Variants in PLXDC2 observed in about 807,000 individuals in gnomAD.
The protein encoded by PLXDC2 is plexin domain containing 2.
A neutral mutation model predicts 68.9 loss-of-function variants in PLXDC2; 40 were observed. The observed-to-expected ratio is 0.58, with a 90% CI of 0.45 to 0.76. PLXDC2 has a LOEUF of 0.76. PLXDC2 is among the 30% of genes least tolerant of loss of function. The probability of loss-of-function intolerance (pLI) is 0.00; values close to 1 mark genes in which losing one functional copy is unlikely to be tolerated. For synonymous variants in PLXDC2, 243 were observed against 234.2 expected (o/e 1.04, Z -0.34); for missense variants, 644 against 661.9 (o/e 0.97, Z 0.30).
chr10:20,015,688 T>TA (rs1434770195), intron 2 of PLXDC2, among the ~76,000 whole-genome samples: 11 of 151,552 alleles, frequency 7.3e-5, no homozygotes, highest in Non-Finnish European at 1.2e-4. Context: ...TATAATCGAT[T>TA]AAAAAAACAC....
chr10:20,215,981 G>C (rs569859565), intron 10 of PLXDC2, among the ~76,000 whole-genome samples: 1 of 152,074 alleles, frequency 6.6e-6, no homozygotes, highest in African/African-American at 2.4e-5. Flanking sequence ...GCCCTGCTAA[G>C]GATGCAGGAG....
chr10:20,165,671 G>C (rs1834365414), intron 7 of PLXDC2, among the ~76,000 whole-genome samples: 1 of 152,076 alleles, frequency 6.6e-6, no homozygotes, highest in African/African-American at 2.4e-5. Flanking sequence ...TACAAATTTA[G>C]GTAAATAAAA....
At chr10:20,130,491 T>A (rs1833852743) in intron 4 of PLXDC2, among the ~76,000 whole-genome samples, 1 of 152,118 alleles carries the variant, frequency 6.6e-6, no homozygotes, top group South Asian at 2.1e-4. Flanking sequence ...TTTATTTCTT[T>A]TTTCTTGATT....
At chr10:19,998,670 A>G (rs1017276693) in intron 1 of PLXDC2, among the ~76,000 whole-genome samples, 6 of 152,200 alleles carry the variant, frequency 3.9e-5, no homozygotes, top group African/African-American at 1.4e-4. Context: ...TAGAGCAAGC[A>G]AGAGATCTGT....
intron 4 of PLXDC2, among the ~76,000 whole-genome samples, chr10:20,120,568 G>A (rs2460572): frequency 0.91 from 134,371 of 147,180 alleles, 61,270 homozygotes; most frequent in Middle Eastern, 0.94. Flanking sequence ...AAATGACTGC[G>A]GTGGCCTTCT....
chr10:20,247,383 G>T (rs910881360), intron 13 of PLXDC2, among the ~76,000 whole-genome samples: 1 of 151,770 alleles, frequency 6.6e-6, no homozygotes, highest in African/African-American at 2.4e-5. Context: ...AGGCTGAAAT[G>T]GTAGGATTGC....
chr10:20,112,354 G>A (rs955604451), intron 4 of PLXDC2, among the ~76,000 whole-genome samples: 1 of 149,594 alleles, frequency 6.7e-6, no homozygotes, highest in African/African-American at 2.4e-5. Context: ...AAAAAAAAAG[G>A]TTCTACTTTC....
At chr10:19,889,165 G>A (rs1837902649) in intron 1 of PLXDC2, among the ~76,000 whole-genome samples, 1 of 151,784 alleles carries the variant, frequency 6.6e-6, no homozygotes, top group Admixed American at 6.6e-5. Flanking sequence ...GACTTAAAGT[G>A]CTTGATCATT....
intron 1 of PLXDC2, among the ~76,000 whole-genome samples, chr10:19,963,231 A>G (rs535200601): frequency 9.5e-4 from 144 of 152,266 alleles, no homozygotes; most frequent in African/African-American, 3.3e-3. Flanking sequence ...AATTCCTACT[A>G]GAGTATGAAC....
rs368978962 is a variant in PLXDC2, at chr10:20,156,070, AG to A, written c.783+8171del. ...AATTTTTTGTGTCTCCCCCAAACCC[AG>A]GGTGTAGACTTTCCTTAATCTCCTT... On this transcript the variant is annotated intron_variant, in intron 6 of 13. Coordinates refer to ENST00000377252, the MANE Select transcript of PLXDC2 (RefSeq NM_032812.9). Among the ~76,000 whole-genome samples, 173 of 152,064 alleles carry A rather than the reference AG, an allele frequency of 1.1e-3. 2 individuals carry two copies. Among genetic ancestry groups the A allele is most frequent in the African/African-American group, 4.0e-3 (166 of 41,468 alleles).
chr10:19,983,733 C>T (rs7070003), intron 1 of PLXDC2, among the ~76,000 whole-genome samples: 112,012 of 152,026 alleles, frequency 0.74, 41,557 homozygotes, highest in African/African-American at 0.81. Flanking sequence ...GCTCAAAGTA[C>T]GGTCCATGGA....
chr10:20,194,684 G>A (rs1162320099), intron 9 of PLXDC2, among the ~76,000 whole-genome samples: 6 of 151,484 alleles, frequency 4.0e-5, no homozygotes, highest in Non-Finnish European at 7.4e-5. Context: ...TGTGCACAAC[G>A]TGCAGGTTTG....
intron 1 of PLXDC2, among the ~76,000 whole-genome samples, chr10:19,903,522 A>G (rs1838192717): frequency 6.6e-6 from 1 of 151,864 alleles, no homozygotes; most frequent in African/African-American, 2.4e-5. Context: ...CAGTTGTAAT[A>G]TCCCCCATTT....
intron 2 of PLXDC2, among the ~76,000 whole-genome samples, chr10:20,022,848 G>C (rs759225682): frequency 1.1e-4 from 17 of 151,964 alleles, no homozygotes; most frequent in Non-Finnish European, 2.1e-4. Flanking sequence ...AACTTTCCTA[G>C]AGTTTTTGCG....
chr10:20,275,215 C>T (rs1393212848), intron 13 of PLXDC2, among the ~76,000 whole-genome samples: 1 of 151,988 alleles, frequency 6.6e-6, no homozygotes, highest in East Asian at 1.9e-4. Context: ...TTTCTACTGG[C>T]TCCTGGAGGA....
At chr10:19,952,373 C>T (rs992519319) in intron 1 of PLXDC2, among the ~76,000 whole-genome samples, 4 of 152,136 alleles carry the variant, frequency 2.6e-5, no homozygotes, top group African/African-American at 7.2e-5. Context: ...TGAAAAATGA[C>T]ATTGATTTCT....
chr10:20,081,434 A>T (rs915301537), intron 4 of PLXDC2, among the ~76,000 whole-genome samples: 1 of 152,206 alleles, frequency 6.6e-6, no homozygotes, highest in South Asian at 2.1e-4. Flanking sequence ...AACAAAAACA[A>T]AAGCAGAACA....
chr10:20,061,531 C>G (rs1463504107), intron 3 of PLXDC2, among the ~76,000 whole-genome samples: 1 of 152,020 alleles, frequency 6.6e-6, no homozygotes, highest in African/African-American at 2.4e-5. Flanking sequence ...TGATACCTAC[C>G]AGATTTTGTC....
At chr10:19,974,011 A>G (rs1171536236) in intron 1 of PLXDC2, among the ~76,000 whole-genome samples, 3 of 152,242 alleles carry the variant, frequency 2.0e-5, no homozygotes, top group Non-Finnish European at 2.9e-5. Flanking sequence ...TGATTACGCT[A>G]AAAAGTAAGA....
Sources: allele counts gnomAD v4.1 joint callset (sites outside exome capture counted in the v4.1 genomes callset), GRCh38; gene constraint gnomAD v4.1.1; transcripts MANE v1.5; gene names NCBI Gene and HGNC (gene_info 2026-07-23, HGNC 2026-07-21).